The following SLC24A2 variants were observed in gnomAD, a reference collection of about 807,000 sequenced individuals.
The protein encoded by SLC24A2 is sodium/potassium/calcium exchanger 2.
A neutral mutation model predicts 62.0 loss-of-function variants in SLC24A2; 36 were observed. The ratio of observed to expected loss-of-function variants is 0.58; its 90% confidence interval spans 0.44 to 0.77. The LOEUF (loss-of-function observed/expected upper bound fraction) is 0.77. Ranked by LOEUF, SLC24A2 falls within the 30% of genes least tolerant of loss-of-function variation. The pLI is 0.00. For missense variants in SLC24A2, 846 were observed against 817.9 expected (o/e 1.03, Z -0.42); for synonymous variants, 358 against 294.0 (o/e 1.22, Z -2.23).
chr9:20,192,052 G>C, the SLC24A2 span, among the ~76,000 whole-genome samples: 14 of 152,300 alleles, frequency 9.2e-5, no homozygotes, highest in Admixed American at 9.2e-4. Context: ...TAGGCATGTG[G>C]AGGAAAGTGT....
chr9:19,855,342 C>A, the SLC24A2 span, among the ~76,000 whole-genome samples: 1 of 152,116 alleles, frequency 6.6e-6, no homozygotes, highest in Non-Finnish European at 1.5e-5. Flanking sequence ...ATAATGCTAG[C>A]TGGTTATTTT....
At chr9:20,301,687 A>C in the SLC24A2 span, among the ~76,000 whole-genome samples, 1 of 151,858 alleles carries the variant, frequency 6.6e-6, no homozygotes, top group South Asian at 2.1e-4. Flanking sequence ...CTCCTCCATT[A>C]TCAACATCCC....
At chr9:19,631,379 GACTAGGTCACT>G (rs1818174870) in intron 2 of SLC24A2, among the ~76,000 whole-genome samples, 1 of 152,042 alleles carries the variant, frequency 6.6e-6, no homozygotes, top group Admixed American at 6.6e-5. Flanking sequence ...TGTGTGCTCT[GACTAGGTCACT>G]ACTTCCTCAT....
rs899174876 is a variant in SLC24A2, at chr9:19,514,878, A to G, written c.*1275T>C. Reference sequence around the variant, plus strand: ...AAGCATCGCTAAGTTGCCTCAACCCAAGCAGTGCTGATCAGAGTTAAGTTA... The same window carrying G: ...AAGCATCGCTAAGTTGCCTCAACCCGAGCAGTGCTGATCAGAGTTAAGTTA... On this transcript the variant is annotated 3_prime_UTR_variant, in exon 11 of 11. Coordinates refer to ENST00000341998, the MANE Select transcript of SLC24A2 (RefSeq NM_020344.4). 6.6e-6 allele frequency: 1 copy of G among 152,202 alleles called. No individual in the cohort carries two copies. The highest frequency in any genetic ancestry group is 1.5e-5 in the Non-Finnish European group (1 of 68,054). 9.4% of individuals were successfully genotyped at this position (152,202 alleles called of 1,614,324 possible).
the SLC24A2 span, among the ~76,000 whole-genome samples, chr9:19,954,902 C>A: frequency 1.3e-5 from 2 of 152,150 alleles, no homozygotes; most frequent in Admixed American, 1.3e-4. Flanking sequence ...AATCAGCAAA[C>A]TGACATCTAA....
the SLC24A2 span, among the ~76,000 whole-genome samples, chr9:20,276,788 C>T: frequency 3.8e-3 from 574 of 152,336 alleles, 3 homozygotes; most frequent in African/African-American, 0.013. Flanking sequence ...CTTCTGTATA[C>T]CTGTGGGCCC....
At chr9:19,989,473 C>T in the SLC24A2 span, among the ~76,000 whole-genome samples, 4 of 152,308 alleles carry the variant, frequency 2.6e-5, no homozygotes, top group African/African-American at 9.6e-5. Context: ...TCAGTTATGA[C>T]ACCTAGTCCA....
the SLC24A2 span, among the ~76,000 whole-genome samples, chr9:19,976,535 T>C: frequency 1.3e-5 from 2 of 152,248 alleles, no homozygotes; most frequent in African/African-American, 4.8e-5. Context: ...TCATGTTTCC[T>C]GTCAAGACTG....
intron 2 of SLC24A2, among the ~76,000 whole-genome samples, chr9:19,631,575 C>T (rs1051160813): frequency 3.3e-5 from 5 of 152,124 alleles, no homozygotes; most frequent in Non-Finnish European, 7.3e-5. Flanking sequence ...TCCAATTTTG[C>T]CCACCAGTGT....
Position 19,521,032 on chromosome 9 carries a change from T to G in SLC24A2, c.1598A>C (p.Glu533Ala). ...QVGETIGISEEIMGLTILAAG... is the reference protein window; with the variant it reads ...QVGETIGISEAIMGLTILAAG... Reference sequence around the variant, plus strand: ...AGCCAAGATGGTCAGGCCCATAATCTCTTCACTGATGCCAATTGTCTCTCC... The same window carrying G: ...AGCCAAGATGGTCAGGCCCATAATCGCTTCACTGATGCCAATTGTCTCTCC... Residue 533 changes from glutamate to alanine, a missense_variant, in exon 10 of 11, where the codon GAG becomes GCG. By Grantham distance (107) the Glu-to-Ala change is moderately radical. Transcript: ENST00000341998. 2 of 1,614,100 alleles carry G rather than the reference T, an allele frequency of 1.2e-6. No homozygotes were observed. Among genetic ancestry groups the G allele is most frequent in the Non-Finnish European group, 1.7e-6 (2 of 1,179,986 alleles).
chr9:19,849,581 T>G, the SLC24A2 span, among the ~76,000 whole-genome samples: 2 of 152,208 alleles, frequency 1.3e-5, no homozygotes, highest in African/African-American at 4.8e-5. Flanking sequence ...AAGACATATC[T>G]AATTTTAAAA....
the SLC24A2 span, among the ~76,000 whole-genome samples, chr9:19,873,487 C>T: frequency 1.6e-5 from 2 of 126,938 alleles, no homozygotes; most frequent in African/African-American, 2.7e-5. Context: ...CTCCTTCCTT[C>T]CTTCTCTTTC....
intron 8 of SLC24A2, among the ~76,000 whole-genome samples, chr9:19,528,549 A>C (rs1220224300): frequency 6.6e-6 from 1 of 152,130 alleles, no homozygotes; most frequent in Non-Finnish European, 1.5e-5. Context: ...ATTGCTTGCA[A>C]ACCATGAATC....
the SLC24A2 span, among the ~76,000 whole-genome samples, chr9:19,921,507 G>A: frequency 5.8e-5 from 7 of 120,508 alleles, no homozygotes; most frequent in South Asian, 3.0e-4. Flanking sequence ...GCGACAGAGC[G>A]AGACTCCGTG....
the SLC24A2 span, among the ~76,000 whole-genome samples, chr9:20,041,527 G>A: frequency 3.9e-5 from 6 of 152,300 alleles, no homozygotes; most frequent in Non-Finnish European, 7.4e-5. Context: ...CAGGACAGGG[G>A]TTTTGTTTCC....
chr9:20,033,686 G>A, the SLC24A2 span, among the ~76,000 whole-genome samples: 2 of 152,146 alleles, frequency 1.3e-5, no homozygotes, highest in Non-Finnish European at 1.5e-5. Flanking sequence ...GTGCCCTGAC[G>A]GTTTAAGATT....
At chr9:19,643,296 A>C (rs561680400) in intron 2 of SLC24A2, among the ~76,000 whole-genome samples, 38 of 152,312 alleles carry the variant, frequency 2.5e-4, no homozygotes, top group African/African-American at 8.2e-4. Flanking sequence ...ATCTGCAGAG[A>C]TCAAAGGACC....
chr9:19,709,941 A>G (rs1474579752), intron 2 of SLC24A2, among the ~76,000 whole-genome samples: 3 of 152,132 alleles, frequency 2.0e-5, no homozygotes, highest in Non-Finnish European at 4.4e-5. Context: ...AGGACCTTGA[A>G]GATGAGAGCT....
chr9:19,903,304 C>T, the SLC24A2 span, among the ~76,000 whole-genome samples: 1 of 152,104 alleles, frequency 6.6e-6, no homozygotes, highest in Non-Finnish European at 1.5e-5. Context: ...TCGTTATAAC[C>T]TCACATGGCA....
Sources: allele counts gnomAD v4.1 joint callset (sites outside exome capture counted in the v4.1 genomes callset), GRCh38; gene constraint gnomAD v4.1.1; transcripts MANE v1.5; gene names NCBI Gene and HGNC (gene_info 2026-07-23, HGNC 2026-07-21).